ABCA8: variants seen among roughly 807,000 people sequenced by gnomAD.
ABCA8 encodes the protein ABC-type organic anion transporter ABCA8.
In ABCA8, 177 loss-of-function variants were observed where a neutral mutation model predicts 192.3. The observed-to-expected ratio is 0.92, with a 90% CI of 0.81 to 1.04. ABCA8 has a LOEUF of 1.04. Ranked by LOEUF, ABCA8 falls within the 50% of genes least tolerant of loss-of-function variation. The pLI is 0.00. For missense variants in ABCA8, 1,915 were observed against 1,904.8 expected (o/e 1.01, Z -0.10); for synonymous variants, 642 against 690.2 (o/e 0.93, Z 1.09).
At chr17:68,917,830 G>C (rs940278891) in intron 16 of ABCA8, among the ~76,000 whole-genome samples, 5 of 152,194 alleles carry the variant, frequency 3.3e-5, no homozygotes, top group African/African-American at 9.7e-5. Flanking sequence ...TTTCCTGGCA[G>C]ATCATGCTTC....
intron 19 of ABCA8, among the ~76,000 whole-genome samples, chr17:68,904,385 C>T (rs928907510): frequency 3.8e-4 from 58 of 151,478 alleles, no homozygotes; most frequent in Admixed American, 2.6e-3. Context: ...AGACTGTCAA[C>T]CTGTCTTACC....
Position 68,903,769 on chromosome 17 carries a change from A to T in ABCA8, c.2399-270T>A, listed in dbSNP as rs7216817. 0.82 allele frequency among the ~76,000 whole-genome samples: 124,568 copies of T among 152,108 alleles called. 51,537 individuals are homozygous for T. The highest frequency in any genetic ancestry group is 0.99 in the East Asian group (5,101 of 5,172). Reference sequence around the variant, plus strand: ...GGTCATCACAGTGGTTAGAAATGACATGGAAAGTCAGTAAAGGAAACAAAT... The same window carrying T: ...GGTCATCACAGTGGTTAGAAATGACTTGGAAAGTCAGTAAAGGAAACAAAT... On this transcript the variant is annotated intron_variant, in intron 19 of 39. Transcript: ENST00000586539.
At chr17:68,937,368 C>T (rs1181178181) in intron 4 of ABCA8, among the ~76,000 whole-genome samples, 3 of 152,088 alleles carry the variant, frequency 2.0e-5, no homozygotes, top group Non-Finnish European at 4.4e-5. Flanking sequence ...CAATTTCAAT[C>T]ACATACAATG....
chr17:68,921,553 C>A (rs2067534699), intron 12 of ABCA8, 61 bp from the exon 13 acceptor site: 16 of 1,076,742 alleles, frequency 1.5e-5, no homozygotes, highest in South Asian at 3.1e-5. Flanking sequence ...CAATTAAAAC[C>A]ACAAAAAATA....
At chr17:68,887,925 T>TCTATATATATATATATTATATATGGATA in intron 24 of ABCA8, among the ~76,000 whole-genome samples, 1 of 101,030 alleles carries the variant, frequency 9.9e-6, no homozygotes, top group Admixed American at 1.1e-4. Context: ...TATATATATA[T>TCTATATATATATATATTATATATGGATA]TATATATGGA....
Position 68,894,154 on chromosome 17 carries a change from T to C in ABCA8, c.3036+19A>G. 1 of 1,611,778 alleles carries C rather than the reference T, an allele frequency of 6.2e-7. No homozygotes were observed. The highest frequency in any genetic ancestry group is 8.5e-7 in the Non-Finnish European group (1 of 1,178,572). ...CCTGATAGAGGAGAGTCAGGAATTG[T>C]AAGATTATATATATTTACCTCCAAA... On this transcript the variant is annotated intron_variant, in intron 23 of 39. Transcript: ENST00000586539.
chr17:68,907,428 A>G (rs753745995), intron 18 of ABCA8, among the ~76,000 whole-genome samples: 2 of 151,994 alleles, frequency 1.3e-5, no homozygotes, highest in African/African-American at 2.4e-5. Flanking sequence ...AATGTAGTGC[A>G]TAAGCCAGAG....
chr17:68,918,818 T>C (rs1411348570), intron 14 of ABCA8, among the ~76,000 whole-genome samples: 4 of 149,714 alleles, frequency 2.7e-5, no homozygotes, highest in Non-Finnish European at 5.9e-5. Context: ...TAATCCCAGC[T>C]ACTCAGGAGG....
intron 21 of ABCA8, among the ~76,000 whole-genome samples, chr17:68,898,987 A>T (rs955234935): frequency 6.6e-6 from 1 of 152,160 alleles, no homozygotes; most frequent in Non-Finnish European, 1.5e-5. Flanking sequence ...ACATATTTGT[A>T]GACTTTGTTA....
chr17:68,935,186 C>A (rs1476529742), intron 5 of ABCA8, among the ~76,000 whole-genome samples: 2 of 150,926 alleles, frequency 1.3e-5, no homozygotes, highest in African/African-American at 2.4e-5. Context: ...GCTCTGCCTC[C>A]CAAGTTCAAG....
intron 24 of ABCA8, among the ~76,000 whole-genome samples, chr17:68,888,355 A>C (rs922192928): frequency 3.3e-5 from 5 of 152,236 alleles, no homozygotes; most frequent in Middle Eastern, 3.4e-3. Flanking sequence ...ATATTAAACT[A>C]TTCTAAGAGT....
intron 31 of ABCA8, 87 bp from the exon 32 acceptor site, chr17:68,881,298 C>A (rs888533114): frequency 4.2e-6 from 4 of 947,052 alleles, no homozygotes; most frequent in African/African-American, 3.3e-5. Context: ...ATGTGACAAG[C>A]ATTTGCTATT....
chr17:68,943,770 C>T (rs1033281724), intron 2 of ABCA8, among the ~76,000 whole-genome samples: 1 of 152,046 alleles, frequency 6.6e-6, no homozygotes, highest in Non-Finnish European at 1.5e-5. Flanking sequence ...TTTTTAATGG[C>T]TGAGTGTGGA....
intron 3 of ABCA8, 25 bp downstream of exon 3, chr17:68,941,911 AGAG>A (rs761077750): frequency 1.3e-6 from 2 of 1,492,554 alleles, no homozygotes; most frequent in Non-Finnish European, 1.9e-6. Flanking sequence ...TATCATAAAT[AGAG>A]AATAACACGG....
rs2067234127 is a variant in ABCA8, at chr17:68,911,823, A to G, written c.2139-3944T>C. On this transcript the variant is annotated intron_variant, in intron 17 of 39. Coordinates refer to ENST00000586539, the MANE Select transcript of ABCA8 (RefSeq NM_001288985.2). The surrounding 1 kb of genome is among the most constrained non-coding windows in gnomAD (Gnocchi z 5.7). The stretch of plus-strand genomic sequence containing the variant: ...AACAAGCATCTCTGCCTGGTAATCC[A>G]AAGTATTCTCCAAGAGCACCAAAGT... Among the ~76,000 whole-genome samples the G allele has an allele frequency of 1.3e-5, 2 of 152,160 alleles. No homozygotes were observed. Among genetic ancestry groups the G allele is most frequent in the African/African-American group, 2.4e-5 (1 of 41,432 alleles).
chr17:68,936,879 C>T, intron 5 of ABCA8, 72 bp downstream of exon 5: 3 of 1,338,810 alleles, frequency 2.2e-6, no homozygotes, highest in African/African-American at 3.0e-5. Flanking sequence ...GGCATACTAA[C>T]CTCTATTCCC....
At chr17:68,907,950 C>G (rs1375577913) in intron 17 of ABCA8, 71 bp from the exon 18 acceptor site, 2 of 1,379,764 alleles carry the variant, frequency 1.4e-6, no homozygotes, top group African/African-American at 1.5e-5. Context: ...AAATAATTAA[C>G]TAGTCTCTAT....
intron 33 of ABCA8, among the ~76,000 whole-genome samples, chr17:68,877,005 A>G (rs192592500): frequency 7.5e-4 from 114 of 152,032 alleles, no homozygotes; most frequent in Middle Eastern, 3.4e-3. Context: ...TTTAAATTTT[A>G]TTATTATTAT....
chr17:68,881,830 C>A (rs372771346), intron 31 of ABCA8, 33 bp downstream of exon 31: 1 of 1,542,902 alleles, frequency 6.5e-7, no homozygotes, highest in African/African-American at 1.4e-5. Context: ...GAGGAGGGCT[C>A]TGAGCCAGAA....
Sources: gnomAD v4.1 joint callset for allele counts (sites outside exome capture counted in the v4.1 genomes callset) on GRCh38, gnomAD v4.1.1 for gene constraint, Gnocchi (gnomAD v3.1) non-coding constraint, MANE v1.5 for transcripts, NCBI Gene and HGNC (gene_info 2026-07-23, HGNC 2026-07-21) for gene names.